Variants in ZZEF1 observed in about 807,000 individuals in gnomAD.
ZZEF1 encodes zinc finger ZZ-type and EF-hand domain containing 1, also known as zinc finger ZZ-type and EF-hand domain-containing protein 1.
In ZZEF1, 157 loss-of-function variants were observed where a neutral mutation model predicts 342.8. The ratio of observed to expected loss-of-function variants is 0.46; its 90% confidence interval spans 0.40 to 0.52. ZZEF1 has a LOEUF of 0.52. ZZEF1 is among the 20% of genes least tolerant of loss of function. The pLI, the probability that ZZEF1 is intolerant of heterozygous loss-of-function variation, is 0.00. For missense variants in ZZEF1, 3,480 were observed against 3,725.6 expected, an observed-to-expected ratio of 0.93 and a Z score of 1.72; for synonymous variants, 1,505 against 1,429.1, an observed-to-expected ratio of 1.05 and a Z score of -1.20.
intron 9 of ZZEF1, among the ~76,000 whole-genome samples, chr17:4,101,250 A>C (rs1304814058): frequency 6.6e-6 from 1 of 152,184 alleles, no homozygotes; most frequent in Non-Finnish European, 1.5e-5. Context: ...CGAATACAGG[A>C]AACGGGACAG....
At chr17:4,036,712 C>A (rs2056671569) in intron 39 of ZZEF1, among the ~76,000 whole-genome samples, 1 of 141,964 alleles carries the variant, frequency 7.0e-6, no homozygotes, top group African/African-American at 2.7e-5. Flanking sequence ...GCCTGGGCGA[C>A]AAGAGGGAAA....
At chr17:4,117,966 T>A (rs1217743649) in intron 2 of ZZEF1, among the ~76,000 whole-genome samples, 1 of 152,134 alleles carries the variant, frequency 6.6e-6, no homozygotes, top group African/African-American at 2.4e-5. Flanking sequence ...TATCATTCCA[T>A]CCTCACAGTA....
At chr17:4,036,339 G>A (rs928159572) in intron 39 of ZZEF1, among the ~76,000 whole-genome samples, 2 of 152,180 alleles carry the variant, frequency 1.3e-5, no homozygotes, top group Non-Finnish European at 2.9e-5. Flanking sequence ...TTCCTATAGT[G>A]TAGACTCCGC....
chr17:4,131,130 ACT>A (rs2058656360), intron 1 of ZZEF1, among the ~76,000 whole-genome samples: 1 of 151,718 alleles, frequency 6.6e-6, no homozygotes, highest in Admixed American at 6.6e-5. Context: ...TCAGAAAGCT[ACT>A]AGAGGATGCA....
chr17:4,086,994 G>A (rs1317936893), intron 14 of ZZEF1, among the ~76,000 whole-genome samples: 3 of 152,050 alleles, frequency 2.0e-5, no homozygotes, highest in Non-Finnish European at 4.4e-5. Flanking sequence ...CAATTCTTCC[G>A]CCTCAGCCTC....
chr17:4,121,964 A>C (rs141975875), intron 2 of ZZEF1, among the ~76,000 whole-genome samples: 270 of 152,136 alleles, frequency 1.8e-3, no homozygotes, highest in Middle Eastern at 3.4e-3. Flanking sequence ...CAATCCTTCC[A>C]CTTCGGCTTC....
At chr17:4,053,102 G>C (rs896349081) in intron 34 of ZZEF1, among the ~76,000 whole-genome samples, 4 of 152,194 alleles carry the variant, frequency 2.6e-5, no homozygotes, top group African/African-American at 7.2e-5. Context: ...TACTGTGACT[G>C]ATTTCCTAAA....
chr17:4,111,582 C>T (rs1046500000), intron 5 of ZZEF1, among the ~76,000 whole-genome samples: 2 of 149,978 alleles, frequency 1.3e-5, no homozygotes, highest in Non-Finnish European at 3.0e-5. Context: ...TTGCGTGAAC[C>T]CCGGAGGTGG....
At chr17:4,120,108 G>A (rs2058458928) in intron 2 of ZZEF1, among the ~76,000 whole-genome samples, 1 of 152,006 alleles carries the variant, frequency 6.6e-6, no homozygotes, top group African/African-American at 2.4e-5. Flanking sequence ...TGTAATCCCA[G>A]CACTTTTGGG....
At chr17:4,007,023 G>C (rs1017178425) in intron 54 of ZZEF1, 53 bp from the exon 55 acceptor site, 90 of 1,493,612 alleles carry the variant, frequency 6.0e-5, no homozygotes, top group Non-Finnish European at 7.6e-5. Context: ...CCCTCATTCA[G>C]TGAGTGCTGA....
intron 37 of ZZEF1, among the ~76,000 whole-genome samples, chr17:4,046,073 C>A (rs2056906359): frequency 1.3e-5 from 2 of 152,170 alleles, no homozygotes; most frequent in African/African-American, 2.4e-5. Flanking sequence ...GCGATCCACC[C>A]ATCTTGGCCT....
chr17:4,042,991 G>C (rs1175960974), intron 38 of ZZEF1, among the ~76,000 whole-genome samples: 1 of 152,150 alleles, frequency 6.6e-6, no homozygotes, highest in Non-Finnish European at 1.5e-5. Flanking sequence ...CTAAAGCTGG[G>C]ATTTTAAAAG....
rs61342066 is a variant in ZZEF1 at position 4,098,241 on chromosome 17, C to CA, written c.1673-1542dup. On this transcript the variant is annotated intron_variant, in intron 9 of 54. Transcript: ENST00000381638. ...TGGGTGACAGAGTGAGACTCCAACTCAAAAAAAAAAAAAAAAAAAAATCAG... is the reference window on the plus strand; with the variant it reads ...TGGGTGACAGAGTGAGACTCCAACTCAAAAAAAAAAAAAAAAAAAAAATCAG... Among the ~76,000 whole-genome samples the CA allele has an allele frequency of 3.3e-3, 337 of 103,334 alleles. 2 individuals carry two copies. The highest frequency in any genetic ancestry group is 8.5e-3 in the African/African-American group (212 of 24,978). The allele number at this position is 103,334 out of a possible 152,430, so 67.8% of individuals were successfully genotyped here.
intron 1 of ZZEF1, among the ~76,000 whole-genome samples, chr17:4,124,482 G>A (rs1354069321): frequency 1.3e-5 from 2 of 151,988 alleles, no homozygotes; most frequent in Non-Finnish European, 2.9e-5. Context: ...CTTTCTTGTC[G>A]CCCAGGCCGG....
intron 1 of ZZEF1, among the ~76,000 whole-genome samples, chr17:4,125,787 C>A (rs1010251979): frequency 6.6e-6 from 1 of 152,010 alleles, no homozygotes; most frequent in African/African-American, 2.4e-5. Flanking sequence ...ATCTTAAGTG[C>A]AGAGAAAAGA....
chr17:4,019,601 C>T (rs1216499148), intron 46 of ZZEF1, 68 bp downstream of exon 46: 22 of 1,407,614 alleles, frequency 1.6e-5, no homozygotes, highest in Middle Eastern at 2.4e-4. Context: ...TGCCAGGAGG[C>T]GCACACCCTC....
chr17:4,025,741 G>A (rs2056389020), intron 42 of ZZEF1, among the ~76,000 whole-genome samples: 1 of 150,856 alleles, frequency 6.6e-6, no homozygotes, highest in Non-Finnish European at 1.5e-5. Flanking sequence ...GACAGAACAA[G>A]AGAGACTGGA....
rs764504133 is a variant in ZZEF1, at chr17:4,032,206, T to C, written c.6812A>G (p.His2271Arg). Residue 2271 changes from histidine to arginine, a missense_variant, in exon 42 of 55, where the codon CAT becomes CGT. Around this residue, in one of 5 missense-constraint regions of ZZEF1, gnomAD observed 1,269 missense variants for 1,342.4 expected, o/e 0.95. Transcript: ENST00000381638. ...CVYMDNANEP[H>R]NVIILKHFTE... The stretch of plus-strand genomic sequence containing the variant: ...AAAGTGCTTCAAGATGATCACATTA[T>C]GGGGTTCATTGGCATTATCCATATA... The C allele has an allele frequency of 3.1e-6, 5 of 1,614,008 alleles. No individual in the cohort carries two copies. Among genetic ancestry groups the C allele is most frequent in the South Asian group, 1.1e-5 (1 of 91,072 alleles).
At chr17:4,103,675 T>TA (rs1345976110) in intron 8 of ZZEF1, among the ~76,000 whole-genome samples, 1 of 152,160 alleles carries the variant, frequency 6.6e-6, no homozygotes, top group Non-Finnish European at 1.5e-5. Context: ...CCCAGGATTT[T>TA]AAGAGGCCAA....
Sources: gnomAD v4.1 joint callset for allele counts (sites outside exome capture counted in the v4.1 genomes callset) on GRCh38, gnomAD v4.1.1 for gene constraint, gnomAD v4.1.1 regional missense constraint, MANE v1.5 for transcripts, NCBI Gene and HGNC (gene_info 2026-07-23, HGNC 2026-07-21) for gene names.